ASTN2: variants seen among roughly 807,000 people sequenced by gnomAD.
ASTN2 encodes the protein astrotactin-2.
A neutral mutation model predicts 139.8 loss-of-function variants in ASTN2; 54 were observed. The ratio of observed to expected loss-of-function variants is 0.39; its 90% confidence interval spans 0.31 to 0.48. The LOEUF (loss-of-function observed/expected upper bound fraction) is 0.48, where lower values mean the gene tolerates loss of function less well. ASTN2 is among the 20% of genes least tolerant of loss of function. The pLI, the probability that ASTN2 is intolerant of heterozygous loss-of-function variation, is 0.95. For synonymous variants in ASTN2, 756 were observed against 719.5 expected, an observed-to-expected ratio of 1.05 and a Z score of -0.81; for missense variants, 1,565 against 1,725.1, an observed-to-expected ratio of 0.91 and a Z score of 1.64.
intron 5 of ASTN2, among the ~76,000 whole-genome samples, chr9:117,065,920 A>G (rs1338730985): frequency 6.6e-6 from 1 of 152,140 alleles, no homozygotes; most frequent in Admixed American, 6.5e-5. Context: ...AATGTCTTTG[A>G]ACCTCATCTT....
At chr9:116,479,751 AGT>A (rs1849106240) in intron 20 of ASTN2, among the ~76,000 whole-genome samples, 1 of 152,178 alleles carries the variant, frequency 6.6e-6, no homozygotes. Context: ...GACAACTAAA[AGT>A]GTGTTTTCCA....
chr9:116,710,394 T>A (rs1425386789), intron 16 of ASTN2, among the ~76,000 whole-genome samples: 1 of 152,010 alleles, frequency 6.6e-6, no homozygotes, highest in Non-Finnish European at 1.5e-5. Context: ...TGACAACAGA[T>A]GTTTAGAGTT....
intron 16 of ASTN2, among the ~76,000 whole-genome samples, chr9:116,711,925 A>G (rs1461881858): frequency 6.6e-6 from 1 of 152,240 alleles, no homozygotes; most frequent in East Asian, 1.9e-4. Context: ...ACTTCCTCCC[A>G]TCCCAAGTCA....
intron 2 of ASTN2, among the ~76,000 whole-genome samples, chr9:117,290,151 A>T (rs375628353): frequency 6.6e-6 from 1 of 152,150 alleles, no homozygotes; most frequent in Admixed American, 6.5e-5. Context: ...TCTGGGCCAT[A>T]GCCTCCTCAT....
chr9:117,179,853 A>G (rs1831012490), intron 3 of ASTN2, among the ~76,000 whole-genome samples: 1 of 152,034 alleles, frequency 6.6e-6, no homozygotes, highest in Non-Finnish European at 1.5e-5. Context: ...TTTACCCCCA[A>G]TCCCCTGGTT....
chr9:116,757,174 C>G (rs1194933385), intron 13 of ASTN2, among the ~76,000 whole-genome samples: 1 of 152,112 alleles, frequency 6.6e-6, no homozygotes, highest in Non-Finnish European at 1.5e-5. Flanking sequence ...GTCGCCATGC[C>G]CTTGTGTTGG....
chr9:116,805,109 A>AGTGTGTGTGTGTGTGTGT (rs10681699), intron 13 of ASTN2, among the ~76,000 whole-genome samples: 27 of 143,132 alleles, frequency 1.9e-4, no homozygotes, highest in South Asian at 6.9e-4. Flanking sequence ...GGATTTGGGG[A>AGTGTGTGTGTGTGTGTGT]GTGTGTGTGT....
At position 116,698,671 on chromosome 9, in the gene ASTN2, AG is replaced by A; in HGVS notation, c.2806+27099del. The stretch of plus-strand genomic sequence containing the variant: ...AACGTGGAAGATTCCTGGGCCATGG[AG>A]GCCACAGCGTCTGCTGCCTCTACCT... On this transcript the variant is annotated intron_variant, in intron 16 of 22. Coordinates refer to ENST00000313400, the MANE Select transcript of ASTN2 (RefSeq NM_001365068.1). The surrounding 1 kb of genome is among the most constrained non-coding windows in gnomAD (Gnocchi z 4.4). 2 of 1,614,152 alleles carry A rather than the reference AG, an allele frequency of 1.2e-6. No homozygotes were observed. The highest frequency in any genetic ancestry group is 1.7e-6 in the Non-Finnish European group (2 of 1,180,026).
chr9:117,035,523 T>C (rs566120618), intron 6 of ASTN2, among the ~76,000 whole-genome samples: 1 of 152,270 alleles, frequency 6.6e-6, no homozygotes, highest in Admixed American at 6.5e-5. Flanking sequence ...ACTCCAGTAG[T>C]ACAATTTATA....
intron 19 of ASTN2, among the ~76,000 whole-genome samples, chr9:116,532,044 C>T (rs1357973318): frequency 1.3e-5 from 2 of 152,090 alleles, no homozygotes; most frequent in Non-Finnish European, 2.9e-5. Context: ...CCTGACTTTT[C>T]AATGATTGCC....
chr9:117,410,251 G>T (rs533641906), intron 1 of ASTN2, among the ~76,000 whole-genome samples: 3 of 152,146 alleles, frequency 2.0e-5, no homozygotes, highest in Admixed American at 6.5e-5. Flanking sequence ...CCCTACCTGT[G>T]GGCATGAAAG....
At chr9:117,208,399 C>A (rs1028376093) in intron 3 of ASTN2, among the ~76,000 whole-genome samples, 1 of 148,602 alleles carries the variant, frequency 6.7e-6, no homozygotes, top group East Asian at 2.0e-4. Context: ...TAGACTAGGG[C>A]AAGCAGAAAA....
intron 6 of ASTN2, among the ~76,000 whole-genome samples, chr9:117,027,710 G>A (rs1838128075): frequency 1.3e-5 from 2 of 152,122 alleles, no homozygotes; most frequent in Admixed American, 1.3e-4. Flanking sequence ...TGACAACCTG[G>A]CTGACTCCTG....
intron 1 of ASTN2, among the ~76,000 whole-genome samples, chr9:117,328,465 C>G (rs181236400): frequency 7.2e-5 from 11 of 152,300 alleles, no homozygotes; most frequent in East Asian, 3.9e-4. Flanking sequence ...TCTGCCATGA[C>G]CTGCCCCCTG....
chr9:117,105,830 C>T (rs1174031439), intron 4 of ASTN2, among the ~76,000 whole-genome samples: 2 of 152,164 alleles, frequency 1.3e-5, no homozygotes, highest in African/African-American at 4.8e-5. Flanking sequence ...TATTGCATAA[C>T]AGATAATACT....
chr9:116,786,433 A>C (rs1205586573), intron 13 of ASTN2, among the ~76,000 whole-genome samples: 4 of 152,176 alleles, frequency 2.6e-5, no homozygotes, highest in African/African-American at 9.7e-5. Context: ...AGTGTCATAG[A>C]ATAAGTGCTC....
chr9:117,001,027 A>G (rs925817793), intron 7 of ASTN2, among the ~76,000 whole-genome samples: 4 of 152,164 alleles, frequency 2.6e-5, no homozygotes, highest in Admixed American at 6.5e-5. Context: ...GGAAAAACAC[A>G]CTGGAAATGG....
At chr9:116,875,961 C>A (rs558873215) in intron 10 of ASTN2, among the ~76,000 whole-genome samples, 4 of 152,208 alleles carry the variant, frequency 2.6e-5, no homozygotes, top group African/African-American at 9.6e-5. Flanking sequence ...TCCTTTTTTG[C>A]AGCCCATGCA....
intron 2 of ASTN2, among the ~76,000 whole-genome samples, chr9:117,273,249 G>A (rs1013010743): frequency 6.6e-6 from 1 of 152,182 alleles, no homozygotes; most frequent in African/African-American, 2.4e-5. Context: ...GCATGAGAAA[G>A]ATCAACCCCC....
Sources: allele counts gnomAD v4.1 joint callset (sites outside exome capture counted in the v4.1 genomes callset), GRCh38; gene constraint gnomAD v4.1.1; non-coding constraint Gnocchi (gnomAD v3.1); transcripts MANE v1.5; gene names NCBI Gene and HGNC (gene_info 2026-07-23, HGNC 2026-07-21).